The following P3H2 variants were observed in gnomAD, a reference collection of about 807,000 sequenced individuals.
The protein encoded by P3H2 is leprecan-like 1.
A neutral mutation model predicts 87.0 loss-of-function variants in P3H2; 80 were observed. The observed-to-expected ratio is 0.92, with a 90% CI of 0.77 to 1.11. P3H2 has a LOEUF of 1.11. Among genes scored for constraint, P3H2 ranks in the 50% least tolerant of loss-of-function variants. The pLI is 0.00. For missense variants in P3H2, 1,001 were observed against 923.9 expected, an observed-to-expected ratio of 1.08 and a Z score of -1.08; for synonymous variants, 367 against 359.3, an observed-to-expected ratio of 1.02 and a Z score of -0.24.
At chr3:190,042,839 T>C (rs1455788320) in intron 1 of P3H2, among the ~76,000 whole-genome samples, 4 of 152,188 alleles carry the variant, frequency 2.6e-5, no homozygotes, top group African/African-American at 9.7e-5. Context: ...TGGAGAAAAC[T>C]GTTGAGCCCT....
intron 1 of P3H2, among the ~76,000 whole-genome samples, chr3:190,114,847 G>A (rs533249497): frequency 2.6e-5 from 4 of 152,228 alleles, no homozygotes; most frequent in African/African-American, 9.6e-5. Flanking sequence ...GAAATAATTT[G>A]CAGATAAAAT....
chr3:190,034,227 G>A (rs60661194), intron 1 of P3H2, among the ~76,000 whole-genome samples: 86,720 of 151,508 alleles, frequency 0.57, 26,937 homozygotes, highest in South Asian at 0.71. Flanking sequence ...ATGAATAATT[G>A]TTCCTCATAA....
At chr3:190,112,997 T>A (rs142127179) in intron 1 of P3H2, among the ~76,000 whole-genome samples, 1 of 152,300 alleles carries the variant, frequency 6.6e-6, no homozygotes, top group East Asian at 1.9e-4. Context: ...CAGACAACTG[T>A]GACTCTTGGC....
chr3:190,039,514 G>C (rs1725534824), intron 1 of P3H2, among the ~76,000 whole-genome samples: 1 of 152,036 alleles, frequency 6.6e-6, no homozygotes. Context: ...CTTATATATT[G>C]TTAATTGCAA....
chr3:190,116,704 T>C (rs1430173369), intron 1 of P3H2: 1 of 152,262 alleles, frequency 6.6e-6, no homozygotes, highest in East Asian at 1.9e-4. Flanking sequence ...CCACTGAAGG[T>C]TTCTGAGCAG....
rs35072845 is a variant in P3H2, at chr3:189,973,949, T to C, written c.1508A>G (p.Asn503Ser). The C allele has an allele frequency of 6.0e-4, 974 of 1,614,170 alleles. 3 individuals carry two copies. The highest frequency in any genetic ancestry group is 4.8e-3 in the South Asian group (438 of 91,080). The change falls in exon 10 of 15, where the codon AAT (asparagine) becomes AGT (serine). Residue 503 changes from asparagine to serine, a missense_variant. By Grantham distance (46) the Asn-to-Ser change is conservative. Transcript: ENST00000319332. Reference sequence around the variant, plus strand: ...GACAGTTGCACCTTCAAACTTTTCATTGGGTGTATGGGGTGAAGTTTTTCC... The same window carrying C: ...GACAGTTGCACCTTCAAACTTTTCACTGGGTGTATGGGGTGAAGTTTTTCC... ...YRGKTSPHTP[N>S]EKFEGATVLK... is the part of the protein sequence containing the mutation.
intron 1 of P3H2, among the ~76,000 whole-genome samples, chr3:190,093,435 T>C (rs1043789777): frequency 3.9e-5 from 6 of 152,062 alleles, no homozygotes; most frequent in Non-Finnish European, 7.4e-5. Flanking sequence ...ACGAAGGCCA[T>C]AGAGGAAAGT....
intron 1 of P3H2, among the ~76,000 whole-genome samples, chr3:190,093,217 C>T (rs1431184054): frequency 2.0e-5 from 3 of 152,194 alleles, no homozygotes; most frequent in African/African-American, 4.8e-5. Context: ...ACATAGTAGA[C>T]GGCAGAGACA....
chr3:190,075,313 T>C (rs559721753), intron 1 of P3H2, among the ~76,000 whole-genome samples: 20 of 151,952 alleles, frequency 1.3e-4, no homozygotes, highest in African/African-American at 4.3e-4. Context: ...TGGTGAAACC[T>C]TGTCTCTACT....
At chr3:190,087,293 T>G (rs1727247840) in intron 1 of P3H2, among the ~76,000 whole-genome samples, 1 of 152,000 alleles carries the variant, frequency 6.6e-6, no homozygotes, top group African/African-American at 2.4e-5. Context: ...TCCCAGCACT[T>G]TGGGAGGCCG....
chr3:190,075,967 C>G (rs1384141586), intron 1 of P3H2, among the ~76,000 whole-genome samples: 2 of 152,150 alleles, frequency 1.3e-5, no homozygotes, highest in Non-Finnish European at 2.9e-5. Flanking sequence ...TCAGAAAACT[C>G]CTCCAGGAAA....
At chr3:190,011,456 G>C (rs898678846) in intron 1 of P3H2, among the ~76,000 whole-genome samples, 1 of 152,022 alleles carries the variant, frequency 6.6e-6, no homozygotes, top group African/African-American at 2.4e-5. Context: ...AAATAAGTTT[G>C]ATCAAGACCC....
chr3:190,009,543 T>C (rs774394832), intron 1 of P3H2, among the ~76,000 whole-genome samples: 1 of 152,162 alleles, frequency 6.6e-6, no homozygotes, highest in Non-Finnish European at 1.5e-5. Flanking sequence ...GGCATCCCAA[T>C]AAGGTACTAC....
chr3:190,071,315 A>G (rs1426956588), intron 1 of P3H2, among the ~76,000 whole-genome samples: 1 of 152,234 alleles, frequency 6.6e-6, no homozygotes, highest in Non-Finnish European at 1.5e-5. Context: ...CCAGTCCTTA[A>G]AAAGAATCTG....
intron 1 of P3H2, among the ~76,000 whole-genome samples, chr3:190,114,541 T>C (rs1712215618): frequency 1.3e-5 from 2 of 152,144 alleles, no homozygotes; most frequent in African/African-American, 4.8e-5. Flanking sequence ...GGGCAATAGA[T>C]GACTGGTAAG....
At chr3:190,005,469 G>C (rs1724360024) in intron 1 of P3H2, among the ~76,000 whole-genome samples, 1 of 152,218 alleles carries the variant, frequency 6.6e-6, no homozygotes, top group Non-Finnish European at 1.5e-5. Flanking sequence ...TTAGGGTTTA[G>C]TGAATGTACA....
At chr3:190,045,999 T>C (rs1175340244) in intron 1 of P3H2, among the ~76,000 whole-genome samples, 1 of 151,880 alleles carries the variant, frequency 6.6e-6, no homozygotes, top group Non-Finnish European at 1.5e-5. Flanking sequence ...GGCGGGCGCC[T>C]GTGGTCCCAG....
At chr3:190,074,241 G>A (rs774298299) in intron 1 of P3H2, among the ~76,000 whole-genome samples, 5 of 152,154 alleles carry the variant, frequency 3.3e-5, no homozygotes, top group East Asian at 1.9e-4. Context: ...CAGGTGCGGT[G>A]GCTCATGCCT....
chr3:190,081,153 G>T (rs759852879), intron 1 of P3H2, among the ~76,000 whole-genome samples: 4 of 152,120 alleles, frequency 2.6e-5, no homozygotes, highest in Non-Finnish European at 5.9e-5. Flanking sequence ...TTATGAATAT[G>T]TATCAATCTG....
Sources: gnomAD v4.1 joint callset for allele counts (sites outside exome capture counted in the v4.1 genomes callset) on GRCh38, gnomAD v4.1.1 for gene constraint, MANE v1.5 for transcripts, NCBI Gene and HGNC (gene_info 2026-07-23, HGNC 2026-07-21) for gene names.